Variants in ANO10 observed in about 807,000 individuals in gnomAD.
ANO10 encodes anoctamin-10.
ANO10 carries 77 observed loss-of-function variants against 74.7 expected under a neutral mutation model. The observed-to-expected ratio is 1.03, with a 90% confidence interval of 0.86 to 1.25. The LOEUF (loss-of-function observed/expected upper bound fraction) is 1.25, where lower values mean the gene tolerates loss of function less well. Ranked by LOEUF, ANO10 falls within the 50% of genes most tolerant of loss-of-function variation. ANO10 has a pLI of 0.00. For synonymous variants in ANO10, 279 were observed against 284.9 expected, an observed-to-expected ratio of 0.98 and a Z score of 0.21; for missense variants, 721 against 778.1, an observed-to-expected ratio of 0.93 and a Z score of 0.87.
chr3:43,580,452 C>G lies in ANO10; in HGVS notation c.493G>C (p.Gly165Arg). The stretch of plus-strand genomic sequence containing the variant: ...AGTGGAAACACCTGAATCACGATGC[C>G]AGACGTGAGCAATCTTCTCACTGCA... ...KSLLRRLLTS[G>R]IVIQVFPLHD... The change falls in exon 5 of 13, where the codon GGC becomes CGC. Residue 165 changes from glycine to arginine, a missense_variant. Coordinates refer to ENST00000292246, the MANE Select transcript of ANO10 (RefSeq NM_018075.5). 1.2e-6 allele frequency: 2 copies of G among 1,613,818 alleles called. No individual in the cohort carries two copies. The highest frequency in any genetic ancestry group is 1.7e-6 in the Non-Finnish European group (2 of 1,179,974).
At chr3:43,452,729 T>C (rs1469089153) in intron 11 of ANO10, among the ~76,000 whole-genome samples, 2 of 152,250 alleles carry the variant, frequency 1.3e-5, no homozygotes, top group Non-Finnish European at 2.9e-5. Flanking sequence ...AGTAACTCTA[T>C]GGTTAACATT....
intron 11 of ANO10, among the ~76,000 whole-genome samples, chr3:43,480,390 T>C (rs1009427477): frequency 4.6e-5 from 7 of 152,170 alleles, no homozygotes; most frequent in South Asian, 2.1e-4. Context: ...AGGCATATCA[T>C]TGTGAAATGT....
chr3:43,601,599 A>G (rs1394784019), intron 2 of ANO10, among the ~76,000 whole-genome samples: 11 of 152,194 alleles, frequency 7.2e-5, no homozygotes, highest in Non-Finnish European at 7.3e-5. Flanking sequence ...TCATGAGCAG[A>G]ATTTATATTT....
intron 11 of ANO10, among the ~76,000 whole-genome samples, chr3:43,448,540 C>T (rs2093282286): frequency 6.6e-6 from 1 of 152,144 alleles, no homozygotes; most frequent in African/African-American, 2.4e-5. Flanking sequence ...TTCTTCTTAA[C>T]AGTGATTATT....
chr3:43,686,701 T>C (rs1483460240), intron 1 of ANO10, among the ~76,000 whole-genome samples: 1 of 152,208 alleles, frequency 6.6e-6, no homozygotes, highest in Non-Finnish European at 1.5e-5. Context: ...CAAAATTCAG[T>C]CACACTAGCC....
chr3:43,428,796 CAAA>C (rs56213626), intron 12 of ANO10, among the ~76,000 whole-genome samples: 10 of 55,422 alleles, frequency 1.8e-4, no homozygotes, highest in African/African-American at 6.1e-4. Context: ...TTTGTGAATG[CAAA>C]AAAAAAAAAA....
chr3:43,584,992 A>G (rs935382921), intron 4 of ANO10, among the ~76,000 whole-genome samples: 2 of 152,160 alleles, frequency 1.3e-5, no homozygotes, highest in African/African-American at 4.8e-5. Flanking sequence ...TAAGATGAAA[A>G]TAGCTTTTCC....
In ANO10 at chr3:43,686,862, G is replaced by A. The variant is rs534545361; in HGVS notation, c.-12+4655C>T. On this transcript the variant is annotated intron_variant, in intron 1 of 3. Transcript: ENST00000413397. ...AGGGTAGTCTGCTGATTGGCAGTAG[G>A]AACACAGGCATAACTAGGAGCTAGT... Among the ~76,000 whole-genome samples, 37 of 152,192 alleles carry A rather than the reference G, an allele frequency of 2.4e-4. No homozygotes were observed. In the South Asian group the frequency reaches 6.8e-3, roughly 28 times the overall value.
intron 11 of ANO10, among the ~76,000 whole-genome samples, chr3:43,479,868 T>A (rs1486015597): frequency 6.6e-6 from 1 of 152,000 alleles, no homozygotes; most frequent in Admixed American, 6.6e-5. Context: ...CCCTCTCTCA[T>A]CCAGTGGAAG....
intron 1 of ANO10, chr3:43,691,178 T>C (rs2084371168): frequency 1.2e-6 from 1 of 833,346 alleles, no homozygotes; most frequent in South Asian, 3.2e-5. Context: ...CTCCCCGGCA[T>C]GAGTCCGCGC....
intron 11 of ANO10, among the ~76,000 whole-genome samples, chr3:43,460,840 TACA>T (rs1324760612): frequency 6.6e-6 from 1 of 151,944 alleles, no homozygotes; most frequent in Non-Finnish European, 1.5e-5. Context: ...CCTGTATTCA[TACA>T]ACAAGAGCAG....
intron 12 of ANO10, among the ~76,000 whole-genome samples, chr3:43,367,370 C>T (rs1020937711): frequency 1.1e-4 from 16 of 152,174 alleles, no homozygotes; most frequent in African/African-American, 2.4e-4. Context: ...CTCACTGAGC[C>T]GGAGTTTCCA....
intron 12 of ANO10, among the ~76,000 whole-genome samples, chr3:43,383,507 C>T (rs12495798): frequency 6.7e-6 from 1 of 149,760 alleles, no homozygotes; most frequent in Non-Finnish European, 1.5e-5. Flanking sequence ...GGGTTCCATA[C>T]CAGGGATGCA....
At chr3:43,552,726 A>AGG (rs2079538182) in intron 10 of ANO10, among the ~76,000 whole-genome samples, 1 of 95,602 alleles carries the variant, frequency 1.0e-5, no homozygotes, top group Non-Finnish European at 2.1e-5. Flanking sequence ...ATATATATAT[A>AGG]TATGTATGTA....
chr3:43,632,611 C>A (rs2083560353), intron 1 of ANO10, among the ~76,000 whole-genome samples: 1 of 152,210 alleles, frequency 6.6e-6, no homozygotes. Context: ...CTCAAATTAC[C>A]AAATTGGAGT....
At chr3:43,438,878 A>C (rs2093116943) in intron 11 of ANO10, among the ~76,000 whole-genome samples, 1 of 152,188 alleles carries the variant, frequency 6.6e-6, no homozygotes, top group African/African-American at 2.4e-5. Flanking sequence ...AAAGAAGAAA[A>C]GTGAAGAAAG....
At chr3:43,386,476 C>A (rs1276473230) in intron 12 of ANO10, among the ~76,000 whole-genome samples, 1 of 152,088 alleles carries the variant, frequency 6.6e-6, no homozygotes, top group African/African-American at 2.4e-5. Flanking sequence ...AACACCTGAT[C>A]TGAGAAACTT....
chr3:43,670,193 T>C lies in ANO10; in HGVS notation c.-12+21324A>G, dbSNP rs1013869142. On this transcript the variant is annotated intron_variant, in intron 1 of 3. Coordinates refer to the ANO10 transcript ENST00000413397. ...CATAGTGAGATCCCATCTCTACAAATAAATACATAAGTAAATAAATTAGCT... is the reference window on the plus strand; with the variant it reads ...CATAGTGAGATCCCATCTCTACAAACAAATACATAAGTAAATAAATTAGCT... Among the ~76,000 whole-genome samples, 8 of 152,012 alleles carry C rather than the reference T, an allele frequency of 5.3e-5. No homozygotes were observed. The East Asian group carries it at 5.9e-4, about 11-fold the overall frequency.
intron 10 of ANO10, among the ~76,000 whole-genome samples, chr3:43,552,261 C>G (rs1402669550): frequency 6.6e-6 from 1 of 152,122 alleles, no homozygotes; most frequent in African/African-American, 2.4e-5. Flanking sequence ...GACAGTGTAT[C>G]TTGTCTACAT....
Sources: gnomAD v4.1 joint callset for allele counts (sites outside exome capture counted in the v4.1 genomes callset) on GRCh38, gnomAD v4.1.1 for gene constraint, MANE v1.5 for transcripts, NCBI Gene and HGNC (gene_info 2026-07-23, HGNC 2026-07-21) for gene names.